The following TDRD10 variants were observed in gnomAD, a reference collection of about 807,000 sequenced individuals.
TDRD10 encodes the protein tudor domain-containing protein 10.
In TDRD10, 40 loss-of-function variants were observed where a neutral mutation model predicts 48.0. The observed-to-expected ratio is 0.83, with a 90% CI of 0.65 to 1.09. TDRD10 has a LOEUF of 1.09. Among genes scored for constraint, TDRD10 ranks in the 50% least tolerant of loss-of-function variants. The pLI, the probability that TDRD10 is intolerant of heterozygous loss-of-function variation, is 0.00. For synonymous variants in TDRD10, 162 were observed against 170.4 expected (o/e 0.95, Z 0.38); for missense variants, 378 against 434.7 (o/e 0.87, Z 1.16).
intron 6 of TDRD10, among the ~76,000 whole-genome samples, chr1:154,527,901 T>C (rs886407894): frequency 1.4e-4 from 22 of 152,320 alleles, no homozygotes; most frequent in African/African-American, 5.3e-4. Context: ...CACATACAAT[T>C]GTAACAACAA....
At chr1:154,521,500 G>T in intron 6 of TDRD10, 21 bp downstream of exon 6, 1 of 1,609,148 alleles carries the variant, frequency 6.2e-7, no homozygotes, top group Non-Finnish European at 8.5e-7. Context: ...TGGCCTTTCT[G>T]CTCTGGGGCG....
chr1:154,506,464 C>T (rs1194996704), intron 1 of TDRD10, among the ~76,000 whole-genome samples: 1 of 152,006 alleles, frequency 6.6e-6, no homozygotes, highest in Non-Finnish European at 1.5e-5. Context: ...CAACCTCTGC[C>T]TCCCGAGTTC....
intron 6 of TDRD10, among the ~76,000 whole-genome samples, chr1:154,522,535 C>A (rs4575077): frequency 0.79 from 119,408 of 152,010 alleles, 47,624 homozygotes; most frequent in East Asian, 0.92. Context: ...CCCAGGCGCA[C>A]TGGCTCACAC....
At chr1:154,506,083 C>T (rs1693135183) in intron 1 of TDRD10, among the ~76,000 whole-genome samples, 1 of 152,170 alleles carries the variant, frequency 6.6e-6, no homozygotes, top group Non-Finnish European at 1.5e-5. Context: ...TTTCGATTTG[C>T]TTTCATAACA....
chr1:154,544,972 C>T, intron 11 of TDRD10, 23 bp downstream of exon 11: 2 of 1,612,080 alleles, frequency 1.2e-6, no homozygotes, highest in South Asian at 1.1e-5. Flanking sequence ...CTATCTTCCT[C>T]CCAAGGGTTT....
At chr1:154,541,837 TG>T (rs1370078797) in intron 6 of TDRD10, 186 bp from the exon 7 acceptor site, 4 of 541,860 alleles carry the variant, frequency 7.4e-6, no homozygotes, top group Non-Finnish European at 9.8e-6. Context: ...GTCTTTTCTT[TG>T]GGTTGGCTCA....
intron 6 of TDRD10, among the ~76,000 whole-genome samples, chr1:154,532,027 C>T (rs1025443035): frequency 6.6e-5 from 10 of 152,244 alleles, no homozygotes; most frequent in Non-Finnish European, 1.3e-4. Flanking sequence ...GCTGGCTTCA[C>T]CCAGTGGATC....
At chr1:154,515,738 G>C (rs1693726660) in intron 4 of TDRD10, among the ~76,000 whole-genome samples, 1 of 152,024 alleles carries the variant, frequency 6.6e-6, no homozygotes, top group South Asian at 2.1e-4. Flanking sequence ...TTTTGAGATG[G>C]AATTTCGCTC....
chr1:154,506,926 G>A (rs1239654632), intron 2 of TDRD10, 21 bp downstream of exon 2: 4 of 1,614,158 alleles, frequency 2.5e-6, no homozygotes, highest in Non-Finnish European at 3.4e-6. Flanking sequence ...TCCTTTTGCT[G>A]ATGAGCAAGC....
chr1:154,543,164 A>G (rs1225547295), intron 8 of TDRD10, among the ~76,000 whole-genome samples: 3 of 152,132 alleles, frequency 2.0e-5, no homozygotes, highest in Non-Finnish European at 4.4e-5. Context: ...AGTCCCAGCT[A>G]CTTGGGAGGC....
At chr1:154,541,817 G>A in intron 6 of TDRD10, 1 of 526,628 alleles carries the variant, frequency 1.9e-6, no homozygotes, top group Non-Finnish European at 3.4e-6. Flanking sequence ...TGCCTTCCCT[G>A]CTTCTGATCG....
intron 6 of TDRD10, among the ~76,000 whole-genome samples, chr1:154,537,877 T>C (rs1271803088): frequency 6.6e-6 from 1 of 152,180 alleles, no homozygotes; most frequent in African/African-American, 2.4e-5. Context: ...TTAAGAGCTG[T>C]TGATTGATCT....
rs1237283950 is a variant in TDRD10, at chr1:154,544,798, T to C, written c.801T>C (p.Cys267=). The C allele has an allele frequency of 6.2e-7, 1 of 1,613,888 alleles. No homozygotes were observed. The highest frequency in any genetic ancestry group is 1.3e-5 in the African/African-American group (1 of 74,916). Residue 267 remains cysteine, a synonymous_variant, in exon 11 of 13, where the codon TGT becomes TGC. Transcript: ENST00000368482. Reference sequence around the variant, plus strand: ...TCTTTCTCTTTTCCTCTGCCAGGTGTTGGGTGCTGGACAGGGTGGACACCT... The same window carrying C: ...TCTTTCTCTTTTCCTCTGCCAGGTGCTGGGTGCTGGACAGGGTGGACACCT... ...LGDYGHAWNR[C]WVLDRVDTWA... is the part of the protein sequence containing the mutation.
chr1:154,535,406 C>T (rs1000267933), intron 6 of TDRD10, among the ~76,000 whole-genome samples: 1 of 151,078 alleles, frequency 6.6e-6, no homozygotes, highest in African/African-American at 2.4e-5. Flanking sequence ...TAAGGGTAAG[C>T]CATCTGCAGT....
chr1:154,529,485 T>C (rs1449180391), intron 6 of TDRD10, among the ~76,000 whole-genome samples: 1 of 151,940 alleles, frequency 6.6e-6, no homozygotes, highest in Non-Finnish European at 1.5e-5. Flanking sequence ...TTAAAAGTAA[T>C]AGCAGAAACC....
chr1:154,526,383 A>G (rs1694317449), intron 6 of TDRD10, among the ~76,000 whole-genome samples: 1 of 151,394 alleles, frequency 6.6e-6, no homozygotes, highest in Admixed American at 6.6e-5. Flanking sequence ...TCTAAAAACA[A>G]ACAAGCAAAC....
chr1:154,509,913 C>G, intron 4 of TDRD10: 1 of 964,372 alleles, frequency 1.0e-6, no homozygotes, highest in Middle Eastern at 5.3e-4. Flanking sequence ...TTCCCCCCTC[C>G]CCAGTAGACC....
chr1:154,528,566 G>T (rs1694435568), intron 6 of TDRD10, among the ~76,000 whole-genome samples: 1 of 152,036 alleles, frequency 6.6e-6, no homozygotes, highest in Non-Finnish European at 1.5e-5. Flanking sequence ...ATAGACCAGG[G>T]ACAATGGCTC....
intron 4 of TDRD10, chr1:154,509,959 C>G: frequency 1.4e-6 from 1 of 709,368 alleles, no homozygotes; most frequent in Non-Finnish European, 1.7e-6. Flanking sequence ...CTTGCTTGGC[C>G]ATACTGTCCC....
Sources: gnomAD v4.1 joint callset for allele counts (sites outside exome capture counted in the v4.1 genomes callset) on GRCh38, gnomAD v4.1.1 for gene constraint, MANE v1.5 for transcripts, NCBI Gene and HGNC (gene_info 2026-07-23, HGNC 2026-07-21) for gene names.